The following KIF5C variants were observed in gnomAD, a reference collection of about 807,000 sequenced individuals.
KIF5C encodes the protein kinesin family member 5C.
KIF5C carries 18 observed loss-of-function variants against 125.2 expected under a neutral mutation model. The observed-to-expected ratio is 0.14, with a 90% CI of 0.10 to 0.21. The LOEUF (loss-of-function observed/expected upper bound fraction) is 0.21. Among genes scored for constraint, KIF5C ranks in the 10% least tolerant of loss-of-function variants. The pLI is 1.00. For missense variants in KIF5C, 780 were observed against 1,183.8 expected (o/e 0.66, Z 5.01); for synonymous variants, 405 against 434.0 (o/e 0.93, Z 0.83).
At chr2:149,013,195 A>G (rs902387784) in intron 25 of KIF5C, among the ~76,000 whole-genome samples, 1 of 152,232 alleles carries the variant, frequency 6.6e-6, no homozygotes, top group African/African-American at 2.4e-5. Context: ...TCAGTAGTTA[A>G]GAATCTCCAC....
intron 7 of KIF5C, among the ~76,000 whole-genome samples, chr2:148,943,002 G>A (rs1054009611): frequency 1.3e-5 from 2 of 152,080 alleles, no homozygotes; most frequent in African/African-American, 4.8e-5. Flanking sequence ...GAGACTTACT[G>A]GACCCTGATA....
chr2:148,875,594 GC>G lies in KIF5C; in HGVS notation c.-19del. 7.3e-6 allele frequency: 4 copies of G among 550,734 alleles called. No homozygotes were observed. Among genetic ancestry groups the G allele is most frequent in the Non-Finnish European group, 1.3e-5 (4 of 307,502 alleles). 34.1% of individuals were successfully genotyped at this position (550,734 alleles called of 1,614,324 possible). On this transcript the variant is annotated 5_prime_UTR_variant, in exon 1 of 26. Transcript: ENST00000435030. ...GCCCCGGCCCCCCACCCATCCCCGT[GC>G]CCCCTCCCTACCGCCGGCCGAGATG...
intron 1 of KIF5C, among the ~76,000 whole-genome samples, chr2:148,917,709 A>G (rs1002308101): frequency 6.6e-6 from 1 of 152,250 alleles, no homozygotes; most frequent in Admixed American, 6.5e-5. Context: ...TCTTCTGAAT[A>G]CAGTACTCCT....
chr2:148,934,876 A>G (rs1266866519), intron 3 of KIF5C, among the ~76,000 whole-genome samples: 1 of 150,872 alleles, frequency 6.6e-6, no homozygotes, highest in African/African-American at 2.4e-5. Context: ...ACACATCCAT[A>G]TGCTCCCCTA....
intron 20 of KIF5C, 75 bp downstream of exon 20, chr2:149,000,599 AACAG>A: frequency 6.4e-7 from 1 of 1,567,072 alleles, no homozygotes; most frequent in Non-Finnish European, 8.7e-7. Flanking sequence ...CTAATTTAAA[AACAG>A]ACAATGGCTA....
chr2:148,984,279 G>A (rs772255229), intron 15 of KIF5C, among the ~76,000 whole-genome samples: 1 of 152,200 alleles, frequency 6.6e-6, no homozygotes, highest in Non-Finnish European at 1.5e-5. Context: ...TGCCTCACCT[G>A]GGAGCTTATT....
At chr2:148,881,892 A>G (rs556571086) in intron 1 of KIF5C, among the ~76,000 whole-genome samples, 1 of 152,236 alleles carries the variant, frequency 6.6e-6, no homozygotes, top group African/African-American at 2.4e-5. Context: ...AAAAGCAAAA[A>G]CAAATTGCCT....
Position 149,023,487 on chromosome 2 carries a change from G to C in KIF5C, c.*417G>C, listed in dbSNP as rs1682595868. On this transcript the variant is annotated 3_prime_UTR_variant, in exon 26 of 26. Transcript: ENST00000435030. ...GTCTGCCTCAACTGTCTGGTTTCCT[G>C]TAAAATAAACACATTGTTTTATATT... 1 of 152,564 alleles carries C rather than the reference G, an allele frequency of 6.6e-6. No homozygotes were observed. The highest frequency in any genetic ancestry group is 6.5e-5 in the Admixed American group (1 of 15,280). 9.5% of individuals were successfully genotyped at this position (152,564 alleles called of 1,614,324 possible).
chr2:148,890,689 C>T (rs1395367218), intron 1 of KIF5C, among the ~76,000 whole-genome samples: 1 of 152,138 alleles, frequency 6.6e-6, no homozygotes, highest in Non-Finnish European at 1.5e-5. Context: ...CCACTCTATC[C>T]TATAGCTGGA....
Position 148,998,468 on chromosome 2 carries a change from C to T in KIF5C, c.2169C>T (p.Asp723=), listed in dbSNP as rs6726682. The change falls in exon 19 of 26, where the codon GAC becomes GAT. Residue 723 remains aspartate (D), a synonymous_variant. Transcript: ENST00000435030. Reference sequence around the variant, plus strand: ...AGAAGCAGCTGTCCAGACTCCGAGACGAAATTGAGGAGAAGCAGAAAATCA... The same window carrying T: ...AGAAGCAGCTGTCCAGACTCCGAGATGAAATTGAGGAGAAGCAGAAAATCA... ...AHQKQLSRLR[D]EIEEKQKIID... is the part of the protein sequence containing the mutation. 5,667 of 1,563,740 alleles carry T rather than the reference C, an allele frequency of 3.6e-3. 153 individuals are homozygous for T. In the African/African-American group the frequency reaches 0.064, roughly 18 times the overall value.
At chr2:148,923,515 C>T (rs990745360) in intron 2 of KIF5C, among the ~76,000 whole-genome samples, 1 of 152,134 alleles carries the variant, frequency 6.6e-6, no homozygotes, top group Admixed American at 6.6e-5. Flanking sequence ...TACTCTTCTG[C>T]TTCTCTTTCT....
rs750427638 is a variant in KIF5C at position 148,969,377 on chromosome 2, G to A, written c.1118-3959G>A. Reference sequence around the variant, plus strand: ...GTCCTTAAAGGTAATTACATCTGACGATAGTAAATGCCAGGATGCTTATTT... The same window carrying A: ...GTCCTTAAAGGTAATTACATCTGACAATAGTAAATGCCAGGATGCTTATTT... On this transcript the variant is annotated intron_variant, in intron 11 of 25. Coordinates refer to ENST00000435030, the MANE Select transcript of KIF5C (RefSeq NM_004522.3). 2.6e-5 allele frequency among the ~76,000 whole-genome samples: 4 copies of A among 151,434 alleles called. No individual in the cohort carries two copies. The East Asian group carries it at 5.8e-4, about 22-fold the overall frequency.
At chr2:148,970,934 C>T (rs1258107890) in intron 11 of KIF5C, among the ~76,000 whole-genome samples, 1 of 152,092 alleles carries the variant, frequency 6.6e-6, no homozygotes, top group African/African-American at 2.4e-5. Flanking sequence ...GTGAGTTGGC[C>T]TGTGGATAAT....
Position 149,009,322 on chromosome 2 carries a change from G to A in KIF5C, c.2551-813G>A, listed in dbSNP as rs560529319. Among the ~76,000 whole-genome samples the A allele has an allele frequency of 6.6e-5, 10 of 152,242 alleles. No homozygotes were observed. In the South Asian group the frequency reaches 1.7e-3, roughly 25 times the overall value. On this transcript the variant is annotated intron_variant, in intron 23 of 25. Coordinates refer to ENST00000435030, the MANE Select transcript of KIF5C (RefSeq NM_004522.3). ...ATTATCTTATTCATGGATTGAACGA[G>A]CATTTATTAAAAATGTACTCTCTGC... is the stretch of plus-strand genomic sequence containing the variant.
intron 12 of KIF5C, 31 bp downstream of exon 12, chr2:148,973,542 C>T (rs1242595176): frequency 2.5e-6 from 4 of 1,573,084 alleles, no homozygotes; most frequent in Non-Finnish European, 3.4e-6. Flanking sequence ...AGTTCTCATT[C>T]TGCTACAAAG....
intron 19 of KIF5C, among the ~76,000 whole-genome samples, chr2:148,999,448 G>A (rs997180446): frequency 1.3e-5 from 2 of 152,206 alleles, no homozygotes; most frequent in African/African-American, 2.4e-5. Context: ...CTCGAAAGGT[G>A]CATTTGCATT....
chr2:148,894,282 A>G (rs1351420202), intron 1 of KIF5C, among the ~76,000 whole-genome samples: 2 of 152,348 alleles, frequency 1.3e-5, no homozygotes, highest in Middle Eastern at 3.4e-3. Flanking sequence ...ACAGAAAATG[A>G]TTGCCTTGAA....
At chr2:148,917,572 T>C (rs1287593307) in intron 1 of KIF5C, among the ~76,000 whole-genome samples, 1 of 152,208 alleles carries the variant, frequency 6.6e-6, no homozygotes, top group Non-Finnish European at 1.5e-5. Context: ...TGGTTGGTGA[T>C]GGTGTTGGTG....
chr2:148,961,057 A>G (rs1413386042), intron 10 of KIF5C, among the ~76,000 whole-genome samples: 2 of 152,166 alleles, frequency 1.3e-5, no homozygotes, highest in African/African-American at 2.4e-5. Flanking sequence ...CTCCAGGTAC[A>G]TCCCTGTGGC....
Sources: allele counts gnomAD v4.1 joint callset (sites outside exome capture counted in the v4.1 genomes callset), GRCh38; gene constraint gnomAD v4.1.1; transcripts MANE v1.5; gene names NCBI Gene and HGNC (gene_info 2026-07-23, HGNC 2026-07-21).